SRSF12: variants seen among roughly 807,000 people sequenced by gnomAD.
The protein encoded by SRSF12 is serine and arginine rich splicing factor 12.
Under a neutral mutation model 34.1 loss-of-function variants are expected in SRSF12, and 21 were observed. The observed-to-expected ratio is 0.62, with a 90% CI of 0.44 to 0.89. The LOEUF (loss-of-function observed/expected upper bound fraction) is 0.89, where lower values mean the gene tolerates loss of function less well. SRSF12 is among the 40% of genes least tolerant of loss of function. The pLI is 0.00. For missense variants in SRSF12, 278 were observed against 327.8 expected, an observed-to-expected ratio of 0.85 and a Z score of 1.17; for synonymous variants, 111 against 110.8, an observed-to-expected ratio of 1.00 and a Z score of -0.01.
intron 1 of SRSF12, among the ~76,000 whole-genome samples, chr6:89,112,447 CTTTTTTT>C (rs760181452): frequency 7.8e-6 from 1 of 128,880 alleles, no homozygotes; most frequent in African/African-American, 2.8e-5. Flanking sequence ...TCTTTTCTTT[CTTTTTTT>C]TTTTTTTTTG....
chr6:89,106,058 C>CTTGTATTTTAACTCACTTGAGTT (rs1768765721), intron 2 of SRSF12: 1 of 152,184 alleles, frequency 6.6e-6, no homozygotes, highest in African/African-American at 2.4e-5. Flanking sequence ...TGAGTTAAAA[C>CTTGTATTTTAACTCACTTGAGTT]AAAACCGGAT....
At chr6:89,107,341 C>A in intron 1 of SRSF12, 83 bp from the exon 2 acceptor site, 3 of 1,029,212 alleles carry the variant, frequency 2.9e-6, no homozygotes, top group South Asian at 2.9e-5. Context: ...TTGAAACCTT[C>A]AAAAGAAAGA....
Position 89,099,365 on chromosome 6 carries a change from T to G in SRSF12, c.417-418A>C, listed in dbSNP as rs1413303616. Among the ~76,000 whole-genome samples the G allele has an allele frequency of 2.1e-5, 3 of 140,688 alleles. No homozygotes were observed. The East Asian group carries it at 6.3e-4, about 30-fold the overall frequency. The allele number at this position is 140,688 out of a possible 152,430, so 92.3% of individuals were successfully genotyped here. On this transcript the variant is annotated intron_variant, in intron 4 of 4. Coordinates refer to ENST00000452027, the MANE Select transcript of SRSF12 (RefSeq NM_080743.5). The stretch of plus-strand genomic sequence containing the variant: ...CATGACAGAACAGCTTGTATTAGAC[T>G]AATCTTCCCATAGAAAACAGCTCTC...
chr6:89,116,788 A>AC (rs1769317275), intron 1 of SRSF12, among the ~76,000 whole-genome samples: 1 of 151,790 alleles, frequency 6.6e-6, no homozygotes, highest in African/African-American at 2.4e-5. Context: ...AAAAAAAAAA[A>AC]AACTAAAAAA....
At chr6:89,117,788 C>G in intron 1 of SRSF12, 35 bp downstream of exon 1, 1 of 1,532,156 alleles carries the variant, frequency 6.5e-7, no homozygotes, top group Non-Finnish European at 8.7e-7. Context: ...CCCGCCCCTC[C>G]TCCGCGCCCC....
intron 1 of SRSF12, among the ~76,000 whole-genome samples, chr6:89,116,786 A>C (rs1161727925): frequency 6.6e-6 from 1 of 152,006 alleles, no homozygotes; most frequent in Non-Finnish European, 1.5e-5. Flanking sequence ...AAAAAAAAAA[A>C]AAAACTAAAA....
intron 4 of SRSF12, among the ~76,000 whole-genome samples, chr6:89,102,748 A>T (rs764484573): frequency 6.6e-6 from 1 of 151,724 alleles, no homozygotes. Flanking sequence ...ACATTTTAAT[A>T]ATTTATTTAT....
intron 4 of SRSF12, among the ~76,000 whole-genome samples, chr6:89,100,691 CGT>C (rs1366153710): frequency 6.6e-6 from 1 of 152,066 alleles, no homozygotes; most frequent in Non-Finnish European, 1.5e-5. Context: ...ATAAAAAGAT[CGT>C]TCAGTGGAAA....
At chr6:89,101,109 C>CAAAAAAAAA (rs764910655) in intron 4 of SRSF12, among the ~76,000 whole-genome samples, 2 of 54,608 alleles carry the variant, frequency 3.7e-5, no homozygotes, top group South Asian at 6.9e-4. Flanking sequence ...ACCTCCAAGA[C>CAAAAAAAAA]AAAAAAAAAA....
At chr6:89,104,201 T>G (rs1022969438) in intron 4 of SRSF12, among the ~76,000 whole-genome samples, 1 of 150,228 alleles carries the variant, frequency 6.7e-6, no homozygotes, top group Admixed American at 6.7e-5. Context: ...TAGGAAAATT[T>G]TATTTATCTA....
At chr6:89,104,228 T>G (rs1298009678) in intron 4 of SRSF12, among the ~76,000 whole-genome samples, 1 of 20,038 alleles carries the variant, frequency 5.0e-5, no homozygotes. Flanking sequence ...ATCACCTTTT[T>G]TTTTTTTTTT....
At chr6:89,117,697 G>T in intron 1 of SRSF12, 126 bp downstream of exon 1, 1 of 964,238 alleles carries the variant, frequency 1.0e-6, no homozygotes. Flanking sequence ...AAGTGGCGCA[G>T]CCTGGGCCCG....
chr6:89,108,569 T>C (rs1768898900), intron 1 of SRSF12, among the ~76,000 whole-genome samples: 1 of 152,168 alleles, frequency 6.6e-6, no homozygotes. Context: ...GATCATAAAA[T>C]GTGGCTCGGG....
intron 1 of SRSF12, among the ~76,000 whole-genome samples, chr6:89,111,722 G>A (rs1769057402): frequency 1.3e-5 from 2 of 152,098 alleles, no homozygotes; most frequent in Non-Finnish European, 2.9e-5. Context: ...ATTTTATAAG[G>A]AAAGCATTGT....
chr6:89,113,509 A>G (rs1769150319), intron 1 of SRSF12, among the ~76,000 whole-genome samples: 1 of 151,760 alleles, frequency 6.6e-6, no homozygotes, highest in Non-Finnish European at 1.5e-5. Context: ...GAGCTTCACT[A>G]TGTTAGCCAG....
intron 1 of SRSF12, among the ~76,000 whole-genome samples, chr6:89,115,549 T>C (rs1376850447): frequency 6.6e-6 from 1 of 152,096 alleles, no homozygotes; most frequent in Non-Finnish European, 1.5e-5. Flanking sequence ...CCTAAAGTGC[T>C]GGGATTACAG....
chr6:89,111,384 T>A (rs1044526012), intron 1 of SRSF12, among the ~76,000 whole-genome samples: 1 of 152,228 alleles, frequency 6.6e-6, no homozygotes, highest in African/African-American at 2.4e-5. Flanking sequence ...TGTTAACTGT[T>A]TTCCTAAGTA....
Position 89,105,430 on chromosome 6 carries a change from T to G in SRSF12, c.271A>C (p.Lys91Gln), listed in dbSNP as rs760595315. 6.2e-6 allele frequency: 10 copies of G among 1,602,458 alleles called. No homozygotes were observed. Among genetic ancestry groups the G allele is most frequent in the Non-Finnish European group, 8.5e-6 (10 of 1,175,868 alleles). Residue 91 changes from lysine (K) to glutamine (Q), a missense_variant, in exon 3 of 5, where the codon AAA (lysine) becomes CAA (glutamine). Coordinates refer to ENST00000452027, the MANE Select transcript of SRSF12 (RefSeq NM_080743.5). Reference sequence around the variant, plus strand: ...TCTAGCATTCAGTCACACTTACTTTTGCGATCACCTTGTGCAAACTGTATT... The same window carrying G: ...TCTAGCATTCAGTCACACTTACTTTGGCGATCACCTTGTGCAAACTGTATT... ...IEIQFAQGDR[K>Q]TPGQMKSKER... is the part of the protein sequence containing the mutation.
intron 4 of SRSF12, among the ~76,000 whole-genome samples, chr6:89,102,902 A>T (rs962264446): frequency 6.6e-6 from 1 of 152,096 alleles, no homozygotes; most frequent in Non-Finnish European, 1.5e-5. Flanking sequence ...AGTAGCTGGA[A>T]CAGGTGTGTG....
Sources: gnomAD v4.1 joint callset for allele counts (sites outside exome capture counted in the v4.1 genomes callset) on GRCh38, gnomAD v4.1.1 for gene constraint, MANE v1.5 for transcripts, NCBI Gene and HGNC (gene_info 2026-07-23, HGNC 2026-07-21) for gene names.